Variants in AIRE observed in about 807,000 individuals in gnomAD.
AIRE encodes the protein autoimmune polyendocrinopathy candidiasis ectodermal dystrophy protein.
Under a neutral mutation model 62.1 loss-of-function variants are expected in AIRE, and 52 were observed. That is an observed-to-expected ratio of 0.84 (90% CI 0.67 to 1.06). AIRE has a LOEUF of 1.06. AIRE is among the 50% of genes least tolerant of loss of function. The probability of loss-of-function intolerance (pLI) is 0.00; values close to 1 mark genes in which losing one functional copy is unlikely to be tolerated. For synonymous variants in AIRE, 342 were observed against 321.6 expected (o/e 1.06, Z -0.68); for missense variants, 774 against 755.8 (o/e 1.02, Z -0.28).
rs563739222 is a variant in AIRE, at chr21:44,290,466, G to A, written c.879+398G>A. ...AGAAGCAGTGTGGGGGGTGCCTGCCGTGGTGGGTTACAGATCTTGACCACT... is the reference window on the plus strand; with the variant it reads ...AGAAGCAGTGTGGGGGGTGCCTGCCATGGTGGGTTACAGATCTTGACCACT... On this transcript the variant is annotated intron_variant, in intron 7 of 13. Transcript: ENST00000291582. 41 of 982,376 alleles carry A rather than the reference G, an allele frequency of 4.2e-5. No individual in the cohort carries two copies. In the African/African-American group the frequency reaches 5.9e-4, roughly 14 times the overall value. 60.9% of individuals were successfully genotyped at this position (982,376 alleles called of 1,614,324 possible). A position where few individuals can be genotyped will look rare whatever the true frequency, so the allele number is the denominator to read the frequency against.
chr21:44,290,138 G>A, intron 7 of AIRE, 70 bp downstream of exon 7: 1 of 1,557,028 alleles, frequency 6.4e-7, no homozygotes, highest in Non-Finnish European at 8.7e-7. Flanking sequence ...TGCTGCCTCT[G>A]CCTTTACCTG....
At position 44,286,436 on chromosome 21, in the gene AIRE, T is replaced by A; in HGVS notation, c.133-121T>A. The A allele has an allele frequency of 8.8e-7, 1 of 1,133,248 alleles. No individual in the cohort carries two copies. Among genetic ancestry groups the A allele is most frequent in the Non-Finnish European group, 1.3e-6 (1 of 794,548 alleles). The allele number at this position is 1,133,248 out of a possible 1,614,324, so 70.2% of individuals were successfully genotyped here. On this transcript the variant is annotated intron_variant, in intron 1 of 13. Transcript: ENST00000291582. This position sits in a 1 kb window ranked among gnomAD's most constrained non-coding sequence, Gnocchi z 6.0. ...CCACCACAAGCCGAGGAGATGGGCG[T>A]GGAGCTGTCCAGGTCGCCAGCGCCT...
At chr21:44,293,679 C>T in intron 10 of AIRE, 110 bp from the exon 11 acceptor site, 1 of 1,525,560 alleles carries the variant, frequency 6.6e-7, no homozygotes, top group South Asian at 1.2e-5. Flanking sequence ...GCGCCTAGAC[C>T]CGCCGTCCAG....
In AIRE at chr21:44,287,145, G is replaced by T; in HGVS notation, c.463+12G>T. 1.2e-6 allele frequency: 2 copies of T among 1,611,546 alleles called. No homozygotes were observed. Among genetic ancestry groups the T allele is most frequent in the South Asian group, 2.2e-5 (2 of 91,066 alleles). The stretch of plus-strand genomic sequence containing the variant: ...CACCGCCAGCCCAGGTACCCTCCCT[G>T]CAGGGGAAGCCAGCCAGGGTCTCCA... On this transcript the variant is annotated intron_variant, in intron 3 of 13. Transcript: ENST00000291582. The surrounding 1 kb of genome is among the most constrained non-coding windows in gnomAD (Gnocchi z 4.3).
chr21:44,291,710 C>T lies in AIRE; in HGVS notation c.995+500C>T, dbSNP rs991584808. Reference sequence around the variant, plus strand: ...CCGGTGCTCCTTCCCCACGGCCCACCGAGCCCTGCCCCCATTCCAACCCCA... The same window carrying T: ...CCGGTGCTCCTTCCCCACGGCCCACTGAGCCCTGCCCCCATTCCAACCCCA... On this transcript the variant is annotated intron_variant, in intron 8 of 13. Coordinates refer to ENST00000291582, the MANE Select transcript of AIRE (RefSeq NM_000383.4). 3.6e-4 allele frequency among the ~76,000 whole-genome samples: 55 copies of T among 152,146 alleles called. 2 individuals are homozygous for T. Among genetic ancestry groups the T allele is most frequent in the Admixed American group, 3.9e-4 (6 of 15,288 alleles).
intron 11 of AIRE, 103 bp from the exon 12 acceptor site, chr21:44,294,298 C>T (rs2040582393): frequency 3.1e-6 from 2 of 644,044 alleles, no homozygotes; most frequent in Admixed American, 2.8e-5. Flanking sequence ...CCCCACACCC[C>T]CATCCCCCAC....
chr21:44,297,798 A>C lies in AIRE; in HGVS notation c.*71A>C. 2 of 1,469,064 alleles carry C rather than the reference A, an allele frequency of 1.4e-6. No homozygotes were observed. The highest frequency in any genetic ancestry group is 1.9e-6 in the Non-Finnish European group (2 of 1,060,150). The allele number at this position is 1,469,064 out of a possible 1,614,324, so 91.0% of individuals were successfully genotyped here. ...AGGACACCTCCTTCCTCAGTCCTGG[A>C]AGCCGGCCGGCTGGGATCAAGAAGG... On this transcript the variant is annotated 3_prime_UTR_variant, in exon 14 of 14. Coordinates refer to ENST00000291582, the MANE Select transcript of AIRE (RefSeq NM_000383.4). This position sits in a 1 kb window ranked among gnomAD's most constrained non-coding sequence, Gnocchi z 4.8.
chr21:44,289,583 C>G, intron 5 of AIRE, 74 bp from the exon 6 acceptor site: 1 of 1,593,296 alleles, frequency 6.3e-7, no homozygotes, highest in South Asian at 1.1e-5. Context: ...TAGACCCCAC[C>G]CTGGGGCCTA....
rs375893942 is a variant in AIRE, at chr21:44,291,072, T to C, written c.880-23T>C. ...GTGCTGCACCCCAGCCCAGTCTGCA[T>C]GGGCGTCTCTTGCCTGTGCCAGAAG... On this transcript the variant is annotated intron_variant, in intron 7 of 13. Coordinates refer to ENST00000291582, the MANE Select transcript of AIRE (RefSeq NM_000383.4). 1.9e-6 allele frequency: 3 copies of C among 1,613,320 alleles called. No individual in the cohort carries two copies. The African/African-American group carries it at 4.0e-5, about 22-fold the overall frequency.
chr21:44,292,866 C>A, intron 9 of AIRE, 127 bp from the exon 10 acceptor site: 2 of 782,628 alleles, frequency 2.6e-6, no homozygotes, highest in South Asian at 2.9e-5. Context: ...CAGCCCTCCG[C>A]CCCCACCATG....
At position 44,293,141 on chromosome 21, in the gene AIRE, A is replaced by AC. The variant is rs786204567; in HGVS notation, c.1249dup (p.Leu417ProfsTer7). 24 of 1,583,788 alleles carry AC rather than the reference A, an allele frequency of 1.5e-5. No homozygotes were observed. Among genetic ancestry groups the AC allele is most frequent in the Non-Finnish European group, 2.1e-5 (24 of 1,165,586 alleles). ...CCAGGGCTGGACTCCTCGGCCCTGC[A>AC]CCCCCTACTGTGTGTGGGTCCTGAG... On this transcript the variant is annotated frameshift_variant, in exon 10 of 14. Coordinates refer to ENST00000291582, the MANE Select transcript of AIRE (RefSeq NM_000383.4). LOFTEE classifies it high-confidence loss of function.
rs2040486815 is a variant in AIRE, at chr21:44,286,802, C to G, written c.307+71C>G. The stretch of plus-strand genomic sequence containing the variant: ...CTGTCACCTGCTCAGCCCAGCTGGA[C>G]TGGAACCGGAGTGGTGTTTGAGGAG... On this transcript the variant is annotated intron_variant, in intron 2 of 13. Coordinates refer to ENST00000291582, the MANE Select transcript of AIRE (RefSeq NM_000383.4). This position sits in a 1 kb window ranked among gnomAD's most constrained non-coding sequence, Gnocchi z 6.0. 3.1e-6 allele frequency: 5 copies of G among 1,589,174 alleles called. No homozygotes were observed. The highest frequency in any genetic ancestry group is 4.3e-6 in the Non-Finnish European group (5 of 1,160,946).
chr21:44,295,097 CG>C (rs1555873344), intron 12 of AIRE, among the ~76,000 whole-genome samples: 9 of 152,070 alleles, frequency 5.9e-5, no homozygotes, highest in African/African-American at 1.7e-4. Context: ...CAGGAGCCTC[CG>C]GGGGGGTGGC....
At chr21:44,294,541 G>A in intron 12 of AIRE, 38 bp downstream of exon 12, 1 of 1,223,518 alleles carries the variant, frequency 8.2e-7, no homozygotes, top group Non-Finnish European at 1.1e-6. Flanking sequence ...TGCCGGTGCT[G>A]GGGGTGGGGA....
chr21:44,290,026 T>TC lies in AIRE; in HGVS notation c.840dup (p.Ala281ArgfsTer8). The stretch of plus-strand genomic sequence containing the variant: ...CTAGGCTGGGCCAGCAGGGCAGCGT[T>TC]CCCGCCCCTCTGGCCCTCCCCAGTG... On this transcript the variant is annotated frameshift_variant, in exon 7 of 14. Transcript: ENST00000291582. LOFTEE classifies it high-confidence loss of function. 1 of 1,611,032 alleles carries TC rather than the reference T, an allele frequency of 6.2e-7. No homozygotes were observed. The highest frequency in any genetic ancestry group is 8.5e-7 in the Non-Finnish European group (1 of 1,179,490).
intron 11 of AIRE, 37 bp from the exon 12 acceptor site, chr21:44,294,364 C>T: frequency 4.8e-6 from 7 of 1,445,760 alleles, no homozygotes; most frequent in Non-Finnish European, 6.6e-6. Context: ...ACTCCTGCTC[C>T]CCCCCAGGGC....
chr21:44,287,594 G>A lies in AIRE; in HGVS notation c.538+3G>A, dbSNP rs557176517. 5 of 1,553,532 alleles carry A rather than the reference G, an allele frequency of 3.2e-6. No homozygotes were observed. The East Asian group carries it at 1.2e-4, about 37-fold the overall frequency. ...GCAGCGCCTTCCACTCGGGAACGGTGAGCGGGGCCCAGTGGGAGCGCCTCC... is the reference window on the plus strand; with the variant it reads ...GCAGCGCCTTCCACTCGGGAACGGTAAGCGGGGCCCAGTGGGAGCGCCTCC... On this transcript the variant is annotated splice_donor_region_variant and intron_variant, in intron 4 of 13. Coordinates refer to ENST00000291582, the MANE Select transcript of AIRE (RefSeq NM_000383.4). This position sits in a 1 kb window ranked among gnomAD's most constrained non-coding sequence, Gnocchi z 4.3.
chr21:44,286,727 C>A lies in AIRE; in HGVS notation c.303C>A (p.Pro101=), dbSNP rs1568926354. The change falls in exon 2 of 14, where the codon CCC becomes CCA. Residue 101 remains proline, a synonymous_variant. Transcript: ENST00000291582. The surrounding 1 kb of genome is among the most constrained non-coding windows in gnomAD (Gnocchi z 6.0). The part of the protein sequence containing the change: ...GRLQPILDSF[P]KDVDLSQPRK... The stretch of plus-strand genomic sequence containing the variant: ...TGCAGCCCATCCTGGACAGCTTCCC[C>A]AAAGGTGGGTCCTGGTGGACTCAGC... The A allele has an allele frequency of 6.2e-7, 1 of 1,612,778 alleles. No homozygotes were observed. The highest frequency in any genetic ancestry group is 1.3e-5 in the African/African-American group (1 of 74,938).
chr21:44,290,540 C>T (rs2040525880), intron 7 of AIRE: 6 of 816,432 alleles, frequency 7.3e-6, no homozygotes, highest in Non-Finnish European at 8.9e-6. Flanking sequence ...TGACAGGAGC[C>T]AGTCCTGCCC....
Sources: gnomAD v4.1 joint callset for allele counts (sites outside exome capture counted in the v4.1 genomes callset) on GRCh38, gnomAD v4.1.1 for gene constraint, Gnocchi (gnomAD v3.1) non-coding constraint, MANE v1.5 for transcripts, NCBI Gene and HGNC (gene_info 2026-07-23, HGNC 2026-07-21) for gene names.